The following ELMO1 variants were observed in gnomAD, a reference collection of about 807,000 sequenced individuals.
ELMO1 encodes engulfment and cell motility 1, also known as engulfment and cell motility protein 1.
ELMO1 carries 26 observed loss-of-function variants against 98.9 expected under a neutral mutation model. The observed-to-expected ratio is 0.26, with a 90% CI of 0.19 to 0.36. The LOEUF is 0.36. Among genes scored for constraint, ELMO1 ranks in the 10% least tolerant of loss-of-function variants. ELMO1 has a pLI of 1.00. For missense variants in ELMO1, 627 were observed against 935.2 expected, an observed-to-expected ratio of 0.67 and a Z score of 4.30; for synonymous variants, 346 against 346.0, an observed-to-expected ratio of 1.00 and a Z score of 0.00.
At chr7:37,444,385 G>A (rs1027740066) in intron 1 of ELMO1, among the ~76,000 whole-genome samples, 5 of 152,212 alleles carry the variant, frequency 3.3e-5, no homozygotes, top group African/African-American at 9.7e-5. Context: ...TCTAAGTAAG[G>A]TTAAAGAGTT....
At chr7:37,188,590 A>G (rs543518003) in intron 13 of ELMO1, among the ~76,000 whole-genome samples, 24 of 151,518 alleles carry the variant, frequency 1.6e-4, no homozygotes, top group African/African-American at 5.6e-4. Flanking sequence ...TTTAGAGAAA[A>G]GGCATCTTAA....
chr7:36,968,792 G>A (rs927406468), intron 16 of ELMO1, among the ~76,000 whole-genome samples: 2 of 150,946 alleles, frequency 1.3e-5, no homozygotes, highest in Non-Finnish European at 3.0e-5. Flanking sequence ...TATTCTTTGG[G>A]TGCTTTTGTT....
intron 5 of ELMO1, among the ~76,000 whole-genome samples, chr7:37,268,354 T>C (rs1032768510): frequency 6.6e-6 from 1 of 152,158 alleles, no homozygotes; most frequent in Non-Finnish European, 1.5e-5. Flanking sequence ...CAGGCTGGAG[T>C]GCAGTGGCAT....
chr7:36,985,462 G>T (rs959733999), intron 16 of ELMO1, among the ~76,000 whole-genome samples: 1 of 152,034 alleles, frequency 6.6e-6, no homozygotes, highest in Admixed American at 6.6e-5. Flanking sequence ...GTGGCTGGGG[G>T]TCTGAAGAAG....
intron 1 of ELMO1, among the ~76,000 whole-genome samples, chr7:37,344,909 T>C (rs1252072476): frequency 1.3e-5 from 2 of 152,214 alleles, no homozygotes; most frequent in Non-Finnish European, 2.9e-5. Flanking sequence ...ATCTTAAACA[T>C]GTGCATTTGG....
intron 13 of ELMO1, among the ~76,000 whole-genome samples, chr7:37,193,737 A>C (rs969554693): frequency 1.3e-5 from 2 of 152,136 alleles, no homozygotes; most frequent in Admixed American, 6.5e-5. Flanking sequence ...CTTACAAACA[A>C]ATCAGAGTCC....
At chr7:37,180,668 A>T (rs534126224) in intron 13 of ELMO1, among the ~76,000 whole-genome samples, 4 of 152,222 alleles carry the variant, frequency 2.6e-5, no homozygotes, top group Non-Finnish European at 4.4e-5. Flanking sequence ...ATAATTGTAC[A>T]ATAGGGCCAT....
chr7:37,115,088 AG>A (rs1157157200), intron 14 of ELMO1, among the ~76,000 whole-genome samples: 10 of 152,244 alleles, frequency 6.6e-5, no homozygotes, highest in African/African-American at 2.2e-4. Context: ...TATCTATTAA[AG>A]GAATTGAATA....
intron 14 of ELMO1, among the ~76,000 whole-genome samples, chr7:37,102,815 C>A (rs1584646506): frequency 6.6e-6 from 1 of 152,194 alleles, no homozygotes. Flanking sequence ...AACCCCAAAG[C>A]ACATATTCTT....
chr7:37,201,693 C>T (rs1792304569), intron 13 of ELMO1, among the ~76,000 whole-genome samples: 1 of 152,214 alleles, frequency 6.6e-6, no homozygotes, highest in South Asian at 2.1e-4. Flanking sequence ...TGCAACGTAA[C>T]AGAATGTCCC....
At chr7:37,100,710 C>A (rs1256727226) in intron 14 of ELMO1, among the ~76,000 whole-genome samples, 1 of 152,222 alleles carries the variant, frequency 6.6e-6, no homozygotes, top group South Asian at 2.1e-4. Flanking sequence ...TTTTCCATTT[C>A]ACTTTGACTT....
intron 1 of ELMO1, among the ~76,000 whole-genome samples, chr7:37,363,115 G>T (rs1801760971): frequency 6.6e-6 from 1 of 152,154 alleles, no homozygotes; most frequent in Non-Finnish European, 1.5e-5. Context: ...AGCCTCCTCT[G>T]ATGACTTCGG....
At chr7:37,358,952 T>TA (rs1302378244) in intron 1 of ELMO1, among the ~76,000 whole-genome samples, 2 of 152,176 alleles carry the variant, frequency 1.3e-5, no homozygotes, top group Admixed American at 1.3e-4. Flanking sequence ...ATAAGCTATT[T>TA]AAAAAATCAA....
At chr7:36,928,353 C>T (rs1056115957) in intron 16 of ELMO1, among the ~76,000 whole-genome samples, 1 of 152,170 alleles carries the variant, frequency 6.6e-6, no homozygotes, top group African/African-American at 2.4e-5. Context: ...CCTTCCCCAT[C>T]CAATCAATAA....
At chr7:36,911,915 T>G (rs1402038917) in intron 16 of ELMO1, among the ~76,000 whole-genome samples, 1 of 152,132 alleles carries the variant, frequency 6.6e-6, no homozygotes, top group Admixed American at 6.5e-5. Flanking sequence ...AGTGCCAAAC[T>G]AAGCAGGCTC....
chr7:37,012,685 G>C (rs902421326), intron 16 of ELMO1, among the ~76,000 whole-genome samples: 3 of 152,196 alleles, frequency 2.0e-5, no homozygotes, highest in Non-Finnish European at 2.9e-5. Flanking sequence ...ACTCTTGTGA[G>C]ACATTATGAT....
chr7:37,019,088 G>C (rs1794124017), intron 15 of ELMO1, among the ~76,000 whole-genome samples: 1 of 152,202 alleles, frequency 6.6e-6, no homozygotes, highest in African/African-American at 2.4e-5. Context: ...AGCTTTTCCT[G>C]TCTGAACTCT....
At chr7:37,158,293 C>T (rs373821195) in intron 13 of ELMO1, among the ~76,000 whole-genome samples, 11 of 152,034 alleles carry the variant, frequency 7.2e-5, no homozygotes, top group African/African-American at 2.4e-4. Context: ...CAACAAAAGC[C>T]GAAATAGACA....
At chr7:37,251,492 C>G (rs1020587502) in intron 6 of ELMO1, among the ~76,000 whole-genome samples, 1 of 152,190 alleles carries the variant, frequency 6.6e-6, no homozygotes. Flanking sequence ...GGAGAGAGAC[C>G]TTTTAAAAGC....
Sources: allele counts gnomAD v4.1 joint callset (sites outside exome capture counted in the v4.1 genomes callset), GRCh38; gene constraint gnomAD v4.1.1; transcripts MANE v1.5; gene names NCBI Gene and HGNC (gene_info 2026-07-23, HGNC 2026-07-21).